The following MTRR variants were observed in gnomAD, a reference collection of about 807,000 sequenced individuals.
MTRR encodes methionine synthase reductase.
A neutral mutation model predicts 79.2 loss-of-function variants in MTRR; 63 were observed. That is an observed-to-expected ratio of 0.80 (90% CI 0.65 to 0.98). The LOEUF is 0.98. MTRR is among the 50% of genes least tolerant of loss of function. The probability of loss-of-function intolerance (pLI) is 0.00; values close to 1 mark genes in which losing one functional copy is unlikely to be tolerated. For missense variants in MTRR, 895 were observed against 839.6 expected, an observed-to-expected ratio of 1.07 and a Z score of -0.82; for synonymous variants, 355 against 313.3, an observed-to-expected ratio of 1.13 and a Z score of -1.41.
upstream of MTRR, chr5:7,867,443 TC>T: frequency 6.2e-7 from 1 of 1,614,214 alleles, no homozygotes; most frequent in Non-Finnish European, 8.5e-7. Context: ...ATTGCGAACT[TC>T]CATGCCACCT....
chr5:7,866,328 AG>A (rs1561104715), upstream of MTRR, among the ~76,000 whole-genome samples: 14 of 150,654 alleles, frequency 9.3e-5, no homozygotes, highest in Non-Finnish European at 1.2e-4. Flanking sequence ...AAAAAAAAAA[AG>A]ATACAGTTGC....
chr5:7,875,553 G>T (rs1322817026), intron 4 of MTRR, among the ~76,000 whole-genome samples, 178 bp downstream of exon 4: 1 of 152,186 alleles, frequency 6.6e-6, no homozygotes, highest in Non-Finnish European at 1.5e-5. Context: ...CTATTTTGCT[G>T]ATTTTCTTTT....
chr5:7,889,362 T>C (rs1484352241), intron 9 of MTRR, 87 bp downstream of exon 9: 1 of 1,447,104 alleles, frequency 6.9e-7, no homozygotes, highest in Non-Finnish European at 9.6e-7. Flanking sequence ...AATTTGCTGC[T>C]CTTGTCTTAC....
chr5:7,867,006 C>T (rs759102652), upstream of MTRR: 12 of 1,614,094 alleles, frequency 7.4e-6, no homozygotes, highest in African/African-American at 1.3e-5. Context: ...CACACCGCAG[C>T]TACACGATGC....
intron 5 of MTRR, 55 bp from the exon 6 acceptor site, chr5:7,883,100 A>G: frequency 1.2e-6 from 2 of 1,613,186 alleles, no homozygotes; most frequent in South Asian, 1.1e-5. Flanking sequence ...TCACTAATTG[A>G]AAGAAGGGTA....
rs1310817098 is a variant in MTRR at position 7,900,237 on chromosome 5, G to GT, written c.*180dup. 2 of 718,252 alleles carry GT rather than the reference G, an allele frequency of 2.8e-6. No homozygotes were observed. The highest frequency in any genetic ancestry group is 3.6e-5 in the African/African-American group (2 of 55,916). The allele number at this position is 718,252 out of a possible 1,614,324, so 44.5% of individuals were successfully genotyped here. A position where few individuals can be genotyped will look rare whatever the true frequency, so the allele number is the denominator to read the frequency against. Reference sequence around the variant, plus strand: ...ACAAAACTTCCTGATTTGATTTTACGTATCTTCTATCTACGCCCTTCCTGT... The same window carrying GT: ...ACAAAACTTCCTGATTTGATTTTACGTTATCTTCTATCTACGCCCTTCCTGT... On this transcript the variant is annotated 3_prime_UTR_variant, in exon 15 of 15. Transcript: ENST00000440940.
At chr5:7,869,994 ATCTG>A in intron 1 of MTRR, 1 of 984,988 alleles carries the variant, frequency 1.0e-6, no homozygotes, top group Non-Finnish European at 1.2e-6. Context: ...TTCAGTTTAA[ATCTG>A]TCTCTGCAAA....
rs1737859863 is a variant in MTRR, at chr5:7,892,890, A to G, written c.1534A>G (p.Ser512Gly). The G allele has an allele frequency of 6.8e-6, 11 of 1,614,244 alleles. No homozygotes were observed. The highest frequency in any genetic ancestry group is 9.3e-6 in the Non-Finnish European group (11 of 1,180,042). ...AAACATACATGCATCCCATGAAGAC[A>G]GCGGGAAAGCCCTGGCTCCTAAGGT... ...QPNIHASHEDSGKALAPKISI... is the reference protein window; with the variant it reads ...QPNIHASHEDGGKALAPKISI... The change falls in exon 11 of 15, where the codon AGC becomes GGC. Residue 512 changes from serine to glycine, a missense_variant. Transcript: ENST00000440940.
chr5:7,887,070 C>T (rs1366433032), intron 8 of MTRR, among the ~76,000 whole-genome samples: 1 of 152,126 alleles, frequency 6.6e-6, no homozygotes, highest in South Asian at 2.1e-4. Flanking sequence ...CATTGCTGCT[C>T]CTTCTTTAAT....
At chr5:7,875,498 T>C (rs1748722322) in intron 4 of MTRR, 123 bp downstream of exon 4, 2 of 932,730 alleles carry the variant, frequency 2.1e-6, no homozygotes, top group Non-Finnish European at 3.5e-6. Context: ...TTTGTTCGCT[T>C]TTTTAGCTTT....
At chr5:7,881,916 G>A (rs1415351797) in intron 5 of MTRR, among the ~76,000 whole-genome samples, 2 of 152,140 alleles carry the variant, frequency 1.3e-5, no homozygotes, top group East Asian at 1.9e-4. Context: ...CATTGTTGCT[G>A]TGTGCCAGTG....
intron 5 of MTRR, among the ~76,000 whole-genome samples, 196 bp downstream of exon 5, chr5:7,878,518 A>G (rs2126697226): frequency 6.6e-6 from 1 of 152,378 alleles, no homozygotes; most frequent in East Asian, 1.9e-4. Flanking sequence ...TGTCTATGAC[A>G]GCTTTTGAGC....
intron 11 of MTRR, 104 bp downstream of exon 11, chr5:7,893,017 A>C (rs1579795056): frequency 7.7e-7 from 1 of 1,303,048 alleles, no homozygotes; most frequent in Admixed American, 2.1e-5. Context: ...TGTCATAAGA[A>C]AATTTATGCT....
intron 5 of MTRR, among the ~76,000 whole-genome samples, chr5:7,878,862 A>G (rs558336354): frequency 4.8e-4 from 73 of 152,348 alleles, no homozygotes; most frequent in Non-Finnish European, 7.2e-4. Flanking sequence ...CAGTCTTTGA[A>G]TGCAGGGCTA....
chr5:7,886,816 G>C, intron 8 of MTRR, 113 bp downstream of exon 8: 2 of 824,090 alleles, frequency 2.4e-6, no homozygotes, highest in South Asian at 1.4e-5. Context: ...ATGTGATCTT[G>C]ATAGCATGTT....
rs373705268 is a variant in MTRR, at chr5:7,863,038, A to G, written n.498+981A>G. The G allele has an allele frequency of 2.9e-4, 445 of 1,535,048 alleles. 1 individual carries two copies. Among genetic ancestry groups the G allele is most frequent in the Admixed American group, 1.5e-3 (87 of 56,870 alleles). ...TGCAAATGTGAGAAAGAAAAATAAGATATAACAACAGAGAATAAATTGAAG... is the reference window on the plus strand; with the variant it reads ...TGCAAATGTGAGAAAGAAAAATAAGGTATAACAACAGAGAATAAATTGAAG... On this transcript the variant is annotated intron_variant and non_coding_transcript_variant, in intron 2 of 3. Coordinates refer to the MTRR transcript ENST00000502509.
intron 14 of MTRR, among the ~76,000 whole-genome samples, chr5:7,899,007 A>G (rs1739010684): frequency 6.6e-6 from 1 of 152,120 alleles, no homozygotes; most frequent in Admixed American, 6.5e-5. Context: ...TTCCACTCTG[A>G]CAGAAGGCAA....
chr5:7,873,604 GAAGTGT>G, intron 3 of MTRR, 78 bp downstream of exon 3: 1 of 1,525,810 alleles, frequency 6.6e-7, no homozygotes, highest in Non-Finnish European at 9.1e-7. Context: ...TCAGAACTAT[GAAGTGT>G]GATCATATAG....
chr5:7,890,445 CTT>C (rs894384026), intron 9 of MTRR: 1 of 978,472 alleles, frequency 1.0e-6, no homozygotes, highest in African/African-American at 1.7e-5. Flanking sequence ...AGAAAGTTCT[CTT>C]ATCGCATACT....
Sources: allele counts gnomAD v4.1 joint callset (sites outside exome capture counted in the v4.1 genomes callset), GRCh38; gene constraint gnomAD v4.1.1; transcripts MANE v1.5; gene names NCBI Gene and HGNC (gene_info 2026-07-23, HGNC 2026-07-21).